Variants in MEIS2 observed in about 807,000 individuals in gnomAD.
MEIS2 encodes homeobox protein Meis2.
Under a neutral mutation model 58.6 loss-of-function variants are expected in MEIS2, and 9 were observed. The ratio of observed to expected loss-of-function variants is 0.15; its 90% confidence interval spans 0.09 to 0.27. The LOEUF (loss-of-function observed/expected upper bound fraction) is 0.27, where lower values mean the gene tolerates loss of function less well. Ranked by LOEUF, MEIS2 falls within the 10% of genes least tolerant of loss-of-function variation. MEIS2 has a pLI of 1.00. For synonymous variants in MEIS2, 221 were observed against 228.4 expected (o/e 0.97, Z 0.29); for missense variants, 427 against 635.0 (o/e 0.67, Z 3.52).
At chr15:37,050,993 GT>G (rs2062895001) in intron 7 of MEIS2, 1 of 152,164 alleles carries the variant, frequency 6.6e-6, no homozygotes, top group South Asian at 2.1e-4. Context: ...CTGAACCTCA[GT>G]TTCCTCATCT....
chr15:36,991,788 T>TTC (rs1260132605), intron 8 of MEIS2, among the ~76,000 whole-genome samples: 2 of 118,330 alleles, frequency 1.7e-5, no homozygotes, highest in African/African-American at 6.5e-5. Context: ...TTTTTCTTTT[T>TTC]TTTTTTTTTT....
intron 8 of MEIS2, among the ~76,000 whole-genome samples, chr15:37,013,161 A>C (rs1298797105): frequency 6.6e-6 from 1 of 152,230 alleles, no homozygotes; most frequent in Non-Finnish European, 1.5e-5. Context: ...TGAGAGTGCC[A>C]GATGGCACCT....
intron 8 of MEIS2, among the ~76,000 whole-genome samples, chr15:37,020,257 G>A (rs958645553): frequency 2.0e-5 from 3 of 152,024 alleles, no homozygotes; most frequent in South Asian, 2.1e-4. Flanking sequence ...CTGACAAACC[G>A]GGAAATGAGT....
chr15:36,978,334 T>C (rs544891987), intron 8 of MEIS2, among the ~76,000 whole-genome samples: 2 of 152,348 alleles, frequency 1.3e-5, no homozygotes, highest in African/African-American at 4.8e-5. Context: ...GAATCTGAGA[T>C]GTTAAATGAC....
At chr15:36,963,051 A>C (rs1316777117) in intron 8 of MEIS2, among the ~76,000 whole-genome samples, 1 of 152,186 alleles carries the variant, frequency 6.6e-6, no homozygotes, top group Non-Finnish European at 1.5e-5. Flanking sequence ...AGAAATCACC[A>C]TTCAACTCAG....
chr15:37,087,853 G>T (rs1188023297), intron 6 of MEIS2, among the ~76,000 whole-genome samples: 1 of 152,080 alleles, frequency 6.6e-6, no homozygotes, highest in Non-Finnish European at 1.5e-5. Flanking sequence ...CATGGCACAT[G>T]GTTCTTCCAT....
At chr15:37,054,485 C>T (rs570676393) in intron 7 of MEIS2, among the ~76,000 whole-genome samples, 3 of 152,314 alleles carry the variant, frequency 2.0e-5, no homozygotes, top group East Asian at 3.9e-4. Context: ...GGAATGATCA[C>T]GGCTTACCAC....
At chr15:37,054,368 A>G (rs370727633) in intron 7 of MEIS2, among the ~76,000 whole-genome samples, 3 of 152,236 alleles carry the variant, frequency 2.0e-5, no homozygotes, top group East Asian at 1.9e-4. Context: ...AAACTTGCCA[A>G]TGAAAAATCA....
chr15:37,027,132 G>A (rs1021340824), intron 8 of MEIS2, among the ~76,000 whole-genome samples: 2 of 152,156 alleles, frequency 1.3e-5, no homozygotes, highest in Non-Finnish European at 2.9e-5. Flanking sequence ...CCACCCTAAT[G>A]CTTCCTACCT....
At chr15:37,009,596 T>C (rs145991870) in intron 8 of MEIS2, among the ~76,000 whole-genome samples, 364 of 152,324 alleles carry the variant, frequency 2.4e-3, no homozygotes, top group African/African-American at 8.3e-3. Context: ...ATATATCCTT[T>C]GGAGTGAGTT....
chr15:36,964,472 G>A (rs762189175), intron 8 of MEIS2, among the ~76,000 whole-genome samples: 6 of 152,190 alleles, frequency 3.9e-5, no homozygotes, highest in Non-Finnish European at 5.9e-5. Flanking sequence ...TTAGTTGGGA[G>A]GAGACTAATG....
At chr15:36,991,054 A>G (rs2060254140) in intron 8 of MEIS2, among the ~76,000 whole-genome samples, 2 of 152,280 alleles carry the variant, frequency 1.3e-5, no homozygotes, top group Admixed American at 1.3e-4. Flanking sequence ...CCTTCATGTT[A>G]AAATATATTA....
chr15:36,908,285 T>C (rs2056839476), intron 9 of MEIS2, among the ~76,000 whole-genome samples: 1 of 152,182 alleles, frequency 6.6e-6, no homozygotes, highest in African/African-American at 2.4e-5. Flanking sequence ...TTCGGCATCA[T>C]CCCGTAATCA....
At chr15:37,034,625 A>T (rs566069788) in intron 8 of MEIS2, among the ~76,000 whole-genome samples, 91 of 152,302 alleles carry the variant, frequency 6.0e-4, no homozygotes, top group African/African-American at 2.1e-3. Context: ...GAGATAAGGT[A>T]TTAAGGGCTC....
chr15:37,044,482 T>C (rs148998452), intron 7 of MEIS2, among the ~76,000 whole-genome samples: 1 of 152,322 alleles, frequency 6.6e-6, no homozygotes, highest in Non-Finnish European at 1.5e-5. Context: ...TCAAATTAAA[T>C]ATGATTTTGA....
intron 8 of MEIS2, among the ~76,000 whole-genome samples, chr15:36,994,054 T>C (rs1442645408): frequency 6.6e-6 from 1 of 152,136 alleles, no homozygotes; most frequent in African/African-American, 2.4e-5. Context: ...CACATCTCTA[T>C]TCATGATGTG....
At position 36,892,450 on chromosome 15, in the gene MEIS2, C is replaced by T. The variant is rs759650078; in HGVS notation, c.1157G>A (p.Ser386Asn). Residue 386 changes from serine to asparagine, a missense_variant, in exon 12 of 12, where the codon AGC becomes AAC. Ser to Asn is a conservative substitution (Grantham distance 46). Transcript: ENST00000561208. Reference sequence around the variant, plus strand: ...CTGAGAAACGTAGTCCCCTGGCATGCTCTGCAAACCTGAAAATAGAGAGGG... The same window carrying T: ...CTGAGAAACGTAGTCCCCTGGCATGTTCTGCAAACCTGAAAATAGAGAGGG... ...HMGIRPAGLQ[S>N]MPGDYVSQGG... The T allele has an allele frequency of 2.8e-5, 45 of 1,612,376 alleles. No homozygotes were observed. The highest frequency in any genetic ancestry group is 3.8e-5 in the Non-Finnish European group (45 of 1,179,544).
chr15:37,014,817 T>C (rs1352427136), intron 8 of MEIS2, among the ~76,000 whole-genome samples: 1 of 149,534 alleles, frequency 6.7e-6, no homozygotes, highest in Non-Finnish European at 1.5e-5. Flanking sequence ...GATCACTCCC[T>C]TCAGGCACTT....
At chr15:37,065,730 T>C (rs1889842302) in intron 7 of MEIS2, among the ~76,000 whole-genome samples, 1 of 152,132 alleles carries the variant, frequency 6.6e-6, no homozygotes, top group Non-Finnish European at 1.5e-5. Context: ...AATGAGCAGC[T>C]TTGAGAAAGT....
Sources: allele counts gnomAD v4.1 joint callset (sites outside exome capture counted in the v4.1 genomes callset), GRCh38; gene constraint gnomAD v4.1.1; transcripts MANE v1.5; gene names NCBI Gene and HGNC (gene_info 2026-07-23, HGNC 2026-07-21).